The following ACBD6 variants were observed in gnomAD, a reference collection of about 807,000 sequenced individuals.
The protein encoded by ACBD6 is acyl-CoA binding domain containing 6.
A neutral mutation model predicts 37.2 loss-of-function variants in ACBD6; 28 were observed. The ratio of observed to expected loss-of-function variants is 0.75; its 90% confidence interval spans 0.56 to 1.03. The LOEUF (loss-of-function observed/expected upper bound fraction) is 1.03, where lower values mean the gene tolerates loss of function less well. ACBD6 is among the 50% of genes least tolerant of loss of function. ACBD6 has a pLI of 0.00. For missense variants in ACBD6, 340 were observed against 337.4 expected (o/e 1.01, Z -0.06); for synonymous variants, 113 against 126.8 (o/e 0.89, Z 0.73).
In ACBD6 at chr1:180,502,072, G is replaced by C. The variant is rs201265065; in HGVS notation, c.195C>G (p.Leu65=). 2 of 1,613,830 alleles carry C rather than the reference G, an allele frequency of 1.2e-6. No individual in the cohort carries two copies. The highest frequency in any genetic ancestry group is 1.7e-6 in the Non-Finnish European group (2 of 1,179,908). The change falls in exon 1 of 8, where the codon CTC becomes CTG. Residue 65 remains leucine (L), a synonymous_variant. Transcript: ENST00000367595. ...GTTTGTACCTGGCATACAGGTACAA[G>C]AGCTGCTCCCTGCTGGCCACCTGAA... The part of the protein sequence containing the change: ...GLIQVASREQ[L]LYLYARYKQV...
intron 4 of ACBD6, among the ~76,000 whole-genome samples, chr1:180,417,609 T>C (rs76854731): frequency 1.1e-3 from 164 of 152,324 alleles, no homozygotes; most frequent in African/African-American, 3.8e-3. Flanking sequence ...CATAGTCCCT[T>C]TGGTAAGCAA....
At chr1:180,310,792 G>A (rs1269270610) in intron 7 of ACBD6, among the ~76,000 whole-genome samples, 1 of 152,156 alleles carries the variant, frequency 6.6e-6, no homozygotes, top group Non-Finnish European at 1.5e-5. Context: ...CAATGTATGA[G>A]AATTCTTGTT....
At chr1:180,340,961 C>T (rs1483428592) in intron 6 of ACBD6, among the ~76,000 whole-genome samples, 4 of 152,020 alleles carry the variant, frequency 2.6e-5, no homozygotes, top group Non-Finnish European at 5.9e-5. Context: ...AGTCATCTAA[C>T]TGGTAGAGTT....
At chr1:180,431,531 A>C (rs1027882008) in intron 3 of ACBD6, among the ~76,000 whole-genome samples, 1 of 152,214 alleles carries the variant, frequency 6.6e-6, no homozygotes, top group Non-Finnish European at 1.5e-5. Flanking sequence ...TACCAAAAAA[A>C]AGTAGAGATG....
chr1:180,443,017 G>A (rs1649342995), intron 3 of ACBD6, among the ~76,000 whole-genome samples: 1 of 151,308 alleles, frequency 6.6e-6, no homozygotes, highest in Non-Finnish European at 1.5e-5. Flanking sequence ...TTCCTTTTTG[G>A]CAAGCTTTAA....
At position 180,454,417 on chromosome 1, in the gene ACBD6, A is replaced by C. The variant is rs574949946; in HGVS notation, c.385-24155T>G. Among the ~76,000 whole-genome samples the C allele has an allele frequency of 2.6e-5, 4 of 152,330 alleles. No homozygotes were observed. The South Asian group carries it at 6.2e-4, about 24-fold the overall frequency. On this transcript the variant is annotated intron_variant, in intron 3 of 7. Coordinates refer to ENST00000367595, the MANE Select transcript of ACBD6 (RefSeq NM_032360.4). ...TTAAATGTAAGACCTAAAACTATAA[A>C]AACCCTAGAAGAAAACCTAGCCAAT...
intron 7 of ACBD6, among the ~76,000 whole-genome samples, chr1:180,298,534 T>C (rs1650006653): frequency 1.3e-5 from 2 of 152,302 alleles, no homozygotes; most frequent in Non-Finnish European, 2.9e-5. Flanking sequence ...TGGTGAGATA[T>C]GATATAATCT....
At position 180,274,650 on chromosome 1, in the gene ACBD6, C is replaced by A. The variant is rs779064460; in HGVS notation, c.*936+1G>T. The stretch of plus-strand genomic sequence containing the variant: ...ATCTTCAAGGATCAAAAGAGACTTG[C>A]CTTTTAAGGATCGAAAGTACGCCAA... On this transcript the variant is annotated splice_donor_variant, in intron 10 of 13. Transcript: ENST00000642319. LOFTEE classifies it low-confidence loss of function (3UTR_SPLICE). 41 of 1,461,658 alleles carry A rather than the reference C, an allele frequency of 2.8e-5. No homozygotes were observed. Among genetic ancestry groups the A allele is most frequent in the Admixed American group, 4.5e-5 (2 of 44,318 alleles). The allele number at this position is 1,461,658 out of a possible 1,614,324, so 90.5% of individuals were successfully genotyped here. A position where few individuals can be genotyped will look rare whatever the true frequency, so the allele number is the denominator to read the frequency against.
intron 6 of ACBD6, among the ~76,000 whole-genome samples, chr1:180,330,252 G>T (rs1319747742): frequency 6.9e-6 from 1 of 145,586 alleles, no homozygotes; most frequent in African/African-American, 2.6e-5. Context: ...GACTCTATAA[G>T]AATTTTTTTT....
intron 4 of ACBD6, among the ~76,000 whole-genome samples, chr1:180,417,639 C>A (rs1022381678): frequency 9.9e-5 from 15 of 152,158 alleles, no homozygotes; most frequent in African/African-American, 3.4e-4. Context: ...TTAGTTTACA[C>A]CTCAGTTTTG....
chr1:180,422,785 C>T (rs1436960649), intron 4 of ACBD6, among the ~76,000 whole-genome samples: 1 of 152,110 alleles, frequency 6.6e-6, no homozygotes, highest in East Asian at 1.9e-4. Context: ...CTGTTATACG[C>T]AGTTTACTGG....
At chr1:180,282,972 G>GTTT (rs34828086) in intron 8 of ACBD6, among the ~76,000 whole-genome samples, 3,056 of 109,720 alleles carry the variant, frequency 0.028, 91 homozygotes, top group South Asian at 0.045. Flanking sequence ...ATGTCTTTCT[G>GTTT]TTTTTTTTTT....
At chr1:180,279,986 TAGCC>T (rs1436535385) in intron 9 of ACBD6, among the ~76,000 whole-genome samples, 1 of 152,172 alleles carries the variant, frequency 6.6e-6, no homozygotes, top group East Asian at 1.9e-4. Context: ...TGGTAGCTAC[TAGCC>T]ACACATGGCT....
chr1:180,424,276 G>T (rs1648493870), intron 4 of ACBD6, among the ~76,000 whole-genome samples: 1 of 152,100 alleles, frequency 6.6e-6, no homozygotes, highest in South Asian at 2.1e-4. Flanking sequence ...TCATCCTAAA[G>T]ATTAAGAGAA....
At chr1:180,486,541 A>G (rs1319954384) in intron 3 of ACBD6, among the ~76,000 whole-genome samples, 1 of 152,256 alleles carries the variant, frequency 6.6e-6, no homozygotes, top group Non-Finnish European at 1.5e-5. Flanking sequence ...GTTCTCAACA[A>G]TGAATAAATG....
At chr1:180,281,948 C>T (rs1649326919) in intron 8 of ACBD6, among the ~76,000 whole-genome samples, 1 of 152,176 alleles carries the variant, frequency 6.6e-6, no homozygotes, top group African/African-American at 2.4e-5. Context: ...CAGACGTGGG[C>T]TTCTGCATGT....
intron 6 of ACBD6, among the ~76,000 whole-genome samples, chr1:180,393,310 A>G (rs538732672): frequency 6.6e-6 from 1 of 152,334 alleles, no homozygotes; most frequent in Non-Finnish European, 1.5e-5. Context: ...AAGCCGCAGT[A>G]TAAAAAAAAA....
chr1:180,492,185 A>T, intron 3 of ACBD6, 84 bp downstream of exon 3: 1 of 1,011,686 alleles, frequency 9.9e-7, no homozygotes. Flanking sequence ...CATGTTACTT[A>T]AAACTAAGTT....
chr1:180,358,680 GT>G (rs755612359), intron 6 of ACBD6, among the ~76,000 whole-genome samples: 2 of 152,128 alleles, frequency 1.3e-5, no homozygotes, highest in Non-Finnish European at 2.9e-5. Flanking sequence ...GGCTTGAACA[GT>G]TGTGTCCTGA....
Sources: allele counts gnomAD v4.1 joint callset (sites outside exome capture counted in the v4.1 genomes callset), GRCh38; gene constraint gnomAD v4.1.1; transcripts MANE v1.5; gene names NCBI Gene and HGNC (gene_info 2026-07-23, HGNC 2026-07-21).